DTNB: variants seen among roughly 807,000 people sequenced by gnomAD.
DTNB encodes the protein dystrobrevin beta.
In DTNB, 63 loss-of-function variants were observed where a neutral mutation model predicts 90.7. The observed-to-expected ratio is 0.69, with a 90% confidence interval of 0.57 to 0.86. DTNB has a LOEUF of 0.86. Ranked by LOEUF, DTNB falls within the 40% of genes least tolerant of loss-of-function variation. The probability of loss-of-function intolerance (pLI) is 0.00; values close to 1 mark genes in which losing one functional copy is unlikely to be tolerated. For missense variants in DTNB, 744 were observed against 807.1 expected (o/e 0.92, Z 0.95); for synonymous variants, 277 against 286.7 (o/e 0.97, Z 0.34).
At chr2:25,432,693 G>A (rs1018545628) in intron 14 of DTNB, among the ~76,000 whole-genome samples, 193 bp downstream of exon 14, 3 of 152,208 alleles carry the variant, frequency 2.0e-5, no homozygotes, top group Non-Finnish European at 2.9e-5. Context: ...GATAATGGCT[G>A]ACATTCTTAG....
chr2:25,624,699 G>C (rs2073726099), intron 4 of DTNB, among the ~76,000 whole-genome samples: 2 of 152,170 alleles, frequency 1.3e-5, no homozygotes, highest in Non-Finnish European at 2.9e-5. Flanking sequence ...TGTGAAACTG[G>C]CTCAGCTATA....
intron 8 of DTNB, among the ~76,000 whole-genome samples, chr2:25,555,302 A>C (rs929804377): frequency 1.4e-4 from 21 of 151,724 alleles, no homozygotes; most frequent in Non-Finnish European, 3.1e-4. Context: ...AAAAAAAAAA[A>C]AAAAAAACAA....
chr2:25,499,389 A>T (rs1396451503), intron 9 of DTNB, among the ~76,000 whole-genome samples: 2 of 152,072 alleles, frequency 1.3e-5, no homozygotes, highest in African/African-American at 4.8e-5. Flanking sequence ...GTTCTAGAGC[A>T]CTGATTTTCA....
At chr2:25,445,853 T>C (rs2058330588) in intron 12 of DTNB, among the ~76,000 whole-genome samples, 1 of 151,846 alleles carries the variant, frequency 6.6e-6, no homozygotes, top group Non-Finnish European at 1.5e-5. Flanking sequence ...TAAATCTTAG[T>C]AGTTAGGAGA....
chr2:25,468,474 G>A (rs1305159938), intron 10 of DTNB, among the ~76,000 whole-genome samples: 1 of 152,176 alleles, frequency 6.6e-6, no homozygotes, highest in Non-Finnish European at 1.5e-5. Context: ...GAGTTTGAAG[G>A]TAGTATGTAA....
At chr2:25,597,366 AT>A (rs140418578) in intron 5 of DTNB, among the ~76,000 whole-genome samples, 5,139 of 152,046 alleles carry the variant, frequency 0.034, 290 homozygotes, top group African/African-American at 0.11. Context: ...GAAAATTCAT[AT>A]TCTATATATT....
At chr2:25,557,658 G>A (rs2057586011) in intron 8 of DTNB, among the ~76,000 whole-genome samples, 1 of 152,214 alleles carries the variant, frequency 6.6e-6, no homozygotes, top group African/African-American at 2.4e-5. Flanking sequence ...GTGAAGGCCT[G>A]GGACTTTGTA....
chr2:25,407,658 G>A (rs2045543754), intron 16 of DTNB, among the ~76,000 whole-genome samples: 1 of 152,264 alleles, frequency 6.6e-6, no homozygotes, highest in East Asian at 1.9e-4. Flanking sequence ...TTTCTAAGTG[G>A]GGTAGCTCAA....
Position 25,451,574 on chromosome 2 carries a change from G to T in DTNB, c.1231C>A (p.Arg411=), listed in dbSNP as rs754736341. The T allele has an allele frequency of 3.1e-6, 5 of 1,608,842 alleles. No individual in the cohort carries two copies. Among genetic ancestry groups the T allele is most frequent in the Non-Finnish European group, 4.2e-6 (5 of 1,177,734 alleles). The part of the protein sequence containing the change: ...EHRLIARYAA[R]LAAEAGNVTR... ...ACGTTTCCTGCTTCTGCAGCCAGCC[G>T]GGCAGCATAGCGAGCTATAAGACGG... The change falls in exon 12 of 21, where the codon CGG becomes AGG. Residue 411 remains arginine, a synonymous_variant. Coordinates refer to ENST00000406818, the MANE Select transcript of DTNB (RefSeq NM_021907.5).
At chr2:25,593,284 C>T (rs1247076628) in intron 6 of DTNB, among the ~76,000 whole-genome samples, 1 of 152,226 alleles carries the variant, frequency 6.6e-6, no homozygotes, top group African/African-American at 2.4e-5. Flanking sequence ...AATGCAATTT[C>T]TAATTTGCAT....
chr2:25,556,795 G>A (rs1254018582), intron 8 of DTNB, among the ~76,000 whole-genome samples: 1 of 152,108 alleles, frequency 6.6e-6, no homozygotes, highest in Non-Finnish European at 1.5e-5. Context: ...GGAGGATGGG[G>A]AGAAGAGGAG....
At chr2:25,609,703 C>G (rs2148536710) in intron 4 of DTNB, among the ~76,000 whole-genome samples, 1 of 107,488 alleles carries the variant, frequency 9.3e-6, no homozygotes, top group Non-Finnish European at 2.0e-5. Flanking sequence ...CACACACACA[C>G]ACACAAAATT....
chr2:25,427,652 A>G, intron 14 of DTNB, 21 bp from the exon 15 acceptor site: 2 of 1,609,658 alleles, frequency 1.2e-6, no homozygotes, highest in Non-Finnish European at 8.5e-7. Context: ...CGAGAAGCCT[A>G]TCAGATAAAG....
rs76019051 is a variant in DTNB at position 25,583,926 on chromosome 2, A to G, written c.604-3100T>C. Reference sequence around the variant, plus strand: ...AGGATCAATCTCCAAAAATTGTCCTAAAGTCACACCATATATGACGTTTTC... The same window carrying G: ...AGGATCAATCTCCAAAAATTGTCCTGAAGTCACACCATATATGACGTTTTC... On this transcript the variant is annotated intron_variant, in intron 6 of 20. Transcript: ENST00000406818. 4.9e-3 allele frequency among the ~76,000 whole-genome samples: 744 copies of G among 152,298 alleles called. 1 individual carries two copies. The highest frequency in any genetic ancestry group is 0.027 in the Middle Eastern group (8 of 294).
chr2:25,460,325 G>T (rs1312064642), intron 10 of DTNB, among the ~76,000 whole-genome samples: 1 of 152,162 alleles, frequency 6.6e-6, no homozygotes, highest in African/African-American at 2.4e-5. Context: ...AAATATCCAA[G>T]CGAAGGTACT....
chr2:25,569,789 C>T (rs2059550835), intron 8 of DTNB, among the ~76,000 whole-genome samples: 1 of 152,086 alleles, frequency 6.6e-6, no homozygotes, highest in African/African-American at 2.4e-5. Flanking sequence ...TTCTAAAATT[C>T]CAATAGGAAC....
chr2:25,504,592 GAA>G (rs1290385047), intron 9 of DTNB, among the ~76,000 whole-genome samples: 1 of 142,798 alleles, frequency 7.0e-6, no homozygotes, highest in Non-Finnish European at 1.5e-5. Flanking sequence ...AAAAGAAAGA[GAA>G]AGAAGGAAAG....
chr2:25,553,112 G>T (rs1345975866), intron 8 of DTNB, among the ~76,000 whole-genome samples: 3 of 151,626 alleles, frequency 2.0e-5, no homozygotes, highest in African/African-American at 7.3e-5. Context: ...CACCCGCCTC[G>T]GCCTCCCAGT....
intron 5 of DTNB, among the ~76,000 whole-genome samples, chr2:25,605,142 A>C (rs1421307948): frequency 2.0e-5 from 3 of 152,256 alleles, no homozygotes; most frequent in Non-Finnish European, 4.4e-5. Flanking sequence ...CTCAAGCCCA[A>C]GCCAAGATAA....
Sources: allele counts gnomAD v4.1 joint callset (sites outside exome capture counted in the v4.1 genomes callset), GRCh38; gene constraint gnomAD v4.1.1; transcripts MANE v1.5; gene names NCBI Gene and HGNC (gene_info 2026-07-23, HGNC 2026-07-21).